The following DOCK8 variants were observed in gnomAD, a reference collection of about 807,000 sequenced individuals.
DOCK8 encodes the protein dedicator of cytokinesis protein 8.
DOCK8 carries 141 observed loss-of-function variants against 245.6 expected under a neutral mutation model. That is an observed-to-expected ratio of 0.57 (90% confidence interval 0.50 to 0.66). The LOEUF is 0.66. Among genes scored for constraint, DOCK8 ranks in the 30% least tolerant of loss-of-function variants. DOCK8 has a pLI of 0.00. For synonymous variants in DOCK8, 1,168 were observed against 970.2 expected (o/e 1.20, Z -3.79); for missense variants, 2,965 against 2,603.4 (o/e 1.14, Z -3.02).
intron 9 of DOCK8, 32 bp from the exon 10 acceptor site, chr9:332,366 G>A (rs1563930196): frequency 1.4e-6 from 2 of 1,461,168 alleles, no homozygotes; most frequent in Non-Finnish European, 1.9e-6. Flanking sequence ...TGTAATTTAT[G>A]TGCCTTATTT....
chr9:250,654 G>A (rs1284376181), intron 1 of DOCK8, among the ~76,000 whole-genome samples: 1 of 152,140 alleles, frequency 6.6e-6, no homozygotes, highest in African/African-American at 2.4e-5. Flanking sequence ...CATGTAAGGG[G>A]CCTACACGGG....
rs141148124 is a variant in DOCK8, at chr9:341,978, T to C, written c.1679+1657T>C. On this transcript the variant is annotated intron_variant, in intron 14 of 47. Transcript: ENST00000432829. ...TAATGCCTGATATTCTGTCGCTGTC[T>C]GCCATCACTTTCAGATGGGACCCTC... is the stretch of plus-strand genomic sequence containing the variant. 2.6e-5 allele frequency among the ~76,000 whole-genome samples: 4 copies of C among 152,370 alleles called. No individual in the cohort carries two copies. The East Asian group carries it at 5.8e-4, about 22-fold the overall frequency.
intron 39 of DOCK8, among the ~76,000 whole-genome samples, chr9:436,002 G>A (rs933674872): frequency 7.2e-5 from 11 of 152,318 alleles, no homozygotes; most frequent in African/African-American, 2.6e-4. Context: ...GAAAAGCTTT[G>A]TTCTTGTTAT....
At chr9:268,605 A>G (rs973193904) in intron 1 of DOCK8, among the ~76,000 whole-genome samples, 2 of 152,234 alleles carry the variant, frequency 1.3e-5, no homozygotes, top group South Asian at 4.1e-4. Flanking sequence ...ACTCTGGTGT[A>G]TAATAGGACC....
chr9:237,128 A>G lies in DOCK8; in HGVS notation c.53+22099A>G, dbSNP rs558969401. On this transcript the variant is annotated intron_variant, in intron 1 of 47. Coordinates refer to ENST00000432829, the MANE Select transcript of DOCK8 (RefSeq NM_203447.4). Reference sequence around the variant, plus strand: ...CAGTCACAAAGAAAAAGCCATTACCAAAATGTTCCATAAACAATGTAGACC... The same window carrying G: ...CAGTCACAAAGAAAAAGCCATTACCGAAATGTTCCATAAACAATGTAGACC... 6.6e-5 allele frequency among the ~76,000 whole-genome samples: 10 copies of G among 152,362 alleles called. No individual in the cohort carries two copies. In the South Asian group the frequency reaches 1.0e-3, roughly 16 times the overall value.
At chr9:342,933 C>T (rs981593003) in intron 14 of DOCK8, among the ~76,000 whole-genome samples, 1 of 152,124 alleles carries the variant, frequency 6.6e-6, no homozygotes, top group Non-Finnish European at 1.5e-5. Flanking sequence ...GTGAAAGTTT[C>T]TTTAATATAT....
rs1434770830 is a variant in DOCK8, at chr9:336,694, G to T, written c.1398G>T (p.Leu466=). Reference sequence around the variant, plus strand: ...GATCCAACTTCAAAACCTCCACTCTGAGCGTTAGCAGCTTTTTCAAGCAGG... The same window carrying T: ...GATCCAACTTCAAAACCTCCACTCTTAGCGTTAGCAGCTTTTTCAAGCAGG... The part of the protein sequence containing the change: ...GVGSNFKTST[L]SVSSFFKQEG... Residue 466 remains leucine, a synonymous_variant, in exon 12 of 48, where the codon CTG becomes CTT. Coordinates refer to ENST00000432829, the MANE Select transcript of DOCK8 (RefSeq NM_203447.4). 6.2e-7 allele frequency: 1 copy of T among 1,614,044 alleles called. No individual in the cohort carries two copies. The highest frequency in any genetic ancestry group is 2.2e-5 in the East Asian group (1 of 44,870).
rs1292084542 is a variant in DOCK8, at chr9:258,661, G to A, written c.54-12966G>A. Reference sequence around the variant, plus strand: ...TGCCCAGGCTGGGGTACAGTGTCACGATCTCGGCATACTGCAACCTCTGCC... The same window carrying A: ...TGCCCAGGCTGGGGTACAGTGTCACAATCTCGGCATACTGCAACCTCTGCC... On this transcript the variant is annotated intron_variant, in intron 1 of 47. Transcript: ENST00000432829. Among the ~76,000 whole-genome samples, 3 of 133,600 alleles carry A rather than the reference G, an allele frequency of 2.2e-5. No individual in the cohort carries two copies. The Admixed American group carries it at 2.7e-4, about 12-fold the overall frequency. The allele number at this position is 133,600 out of a possible 152,430, so 87.6% of individuals were successfully genotyped here.
intron 1 of DOCK8, among the ~76,000 whole-genome samples, chr9:261,539 A>G (rs1442618688): frequency 1.3e-5 from 2 of 152,186 alleles, no homozygotes; most frequent in Non-Finnish European, 2.9e-5. Flanking sequence ...GATATGGTCA[A>G]TATGTAAATG....
intron 7 of DOCK8, among the ~76,000 whole-genome samples, chr9:323,841 C>T (rs11793974): frequency 0.034 from 5,145 of 152,272 alleles, 125 homozygotes; most frequent in Admixed American, 0.063. Flanking sequence ...CAGAATCTCC[C>T]TCCTTTTATG....
intron 1 of DOCK8, among the ~76,000 whole-genome samples, chr9:233,510 C>A (rs1320920369): frequency 6.6e-6 from 1 of 151,652 alleles, no homozygotes; most frequent in Non-Finnish European, 1.5e-5. Flanking sequence ...TAAAGTCTCC[C>A]ATTATTATTG....
At chr9:219,251 C>G (rs566392536) in intron 1 of DOCK8, among the ~76,000 whole-genome samples, 1 of 152,282 alleles carries the variant, frequency 6.6e-6, no homozygotes, top group East Asian at 1.9e-4. Flanking sequence ...GGGACGATCA[C>G]CTGAGGTCAG....
At chr9:410,971 C>G (rs2055695343) in intron 28 of DOCK8, among the ~76,000 whole-genome samples, 1 of 152,106 alleles carries the variant, frequency 6.6e-6, no homozygotes, top group Admixed American at 6.5e-5. Flanking sequence ...AAATTGATAA[C>G]CTAGATTAAA....
chr9:431,032 C>G (rs996024083), intron 36 of DOCK8, among the ~76,000 whole-genome samples: 2 of 107,892 alleles, frequency 1.9e-5, no homozygotes, highest in Admixed American at 1.1e-4. Flanking sequence ...GCCACCTTAC[C>G]CAGCTAATTT....
At chr9:415,676 ACGTGTGTGCG>A (rs1353859165) in intron 29 of DOCK8, among the ~76,000 whole-genome samples, 1 of 146,044 alleles carries the variant, frequency 6.8e-6, no homozygotes, top group African/African-American at 2.7e-5. Context: ...GTGTGTGTGC[ACGTGTGTGCG>A]CGCGTGCACA....
rs1312758959 is a variant in DOCK8, at chr9:441,156, G to T, written c.5224-130G>T. 2.9e-6 allele frequency: 4 copies of T among 1,384,460 alleles called. No individual in the cohort carries two copies. In the East Asian group the frequency reaches 9.2e-5, roughly 32 times the overall value. 85.8% of individuals were successfully genotyped at this position (1,384,460 alleles called of 1,614,324 possible). A position where few individuals can be genotyped will look rare whatever the true frequency, so the allele number is the denominator to read the frequency against. ...CAAAAGTGCTCAGATACCCCTTCTT[G>T]CCCTGTGAAATACTGTGATACAACA... On this transcript the variant is annotated intron_variant, in intron 40 of 47. Transcript: ENST00000432829.
intron 2 of DOCK8, chr9:273,151 GTT>G (rs2048212445): frequency 1.0e-6 from 1 of 957,284 alleles, no homozygotes; most frequent in Admixed American, 7.7e-5. Flanking sequence ...TAATTTGTGT[GTT>G]GCGTCATTAA....
chr9:422,307 G>A (rs894123443), intron 33 of DOCK8, among the ~76,000 whole-genome samples, 172 bp downstream of exon 33: 3 of 152,182 alleles, frequency 2.0e-5, no homozygotes, highest in Non-Finnish European at 2.9e-5. Context: ...GGTATAGGGA[G>A]TTGTGGTTTC....
chr9:332,878 A>G (rs554173351), intron 10 of DOCK8, among the ~76,000 whole-genome samples: 12 of 151,990 alleles, frequency 7.9e-5, no homozygotes, highest in Admixed American at 2.0e-4. Flanking sequence ...GGCTGCTCTC[A>G]TAATTCTGGC....
Sources: gnomAD v4.1 joint callset for allele counts (sites outside exome capture counted in the v4.1 genomes callset) on GRCh38, gnomAD v4.1.1 for gene constraint, MANE v1.5 for transcripts, NCBI Gene and HGNC (gene_info 2026-07-23, HGNC 2026-07-21) for gene names.